Variants in RBFOX3 observed in about 807,000 individuals in gnomAD.
The protein encoded by RBFOX3 is RNA binding fox-1 homolog 3.
Under a neutral mutation model 48.7 loss-of-function variants are expected in RBFOX3, and 17 were observed. The observed-to-expected ratio is 0.35, with a 90% CI of 0.24 to 0.52. The LOEUF (loss-of-function observed/expected upper bound fraction) is 0.52. Among genes scored for constraint, RBFOX3 ranks in the 20% least tolerant of loss-of-function variants. The probability of loss-of-function intolerance (pLI) is 0.94; values close to 1 mark genes in which losing one functional copy is unlikely to be tolerated. For missense variants in RBFOX3, 382 were observed against 497.5 expected (o/e 0.77, Z 2.21); for synonymous variants, 212 against 209.5 (o/e 1.01, Z -0.10).
rs191370349 is a variant in RBFOX3 at position 79,450,055 on chromosome 17, G to A, written c.-175+32399C>T. Among the ~76,000 whole-genome samples the A allele has an allele frequency of 1.2e-4, 18 of 152,150 alleles. No individual in the cohort carries two copies. The East Asian group carries it at 2.7e-3, about 23-fold the overall frequency. On this transcript the variant is annotated intron_variant, in intron 2 of 14. Transcript: ENST00000693108. ...GTGTGAAGAGGCAGAAAGAGAGACC[G>A]TGGAACGATGGGACGTTTCTAACAC...
chr17:79,429,025 G>C (rs1449287051), intron 2 of RBFOX3, among the ~76,000 whole-genome samples: 1 of 152,140 alleles, frequency 6.6e-6, no homozygotes, highest in Non-Finnish European at 1.5e-5. Context: ...CCCCCAGAGA[G>C]ACTCTTCCCC....
intron 4 of RBFOX3, among the ~76,000 whole-genome samples, chr17:79,168,861 G>C (rs75051220): frequency 0.017 from 2,594 of 150,812 alleles, 64 homozygotes; most frequent in African/African-American, 0.06. Flanking sequence ...CTGGCCCTGG[G>C]TCATGAAGGC....
rs1263416032 is a variant in RBFOX3, at chr17:79,482,695, G to C, written c.-319-97C>G. 1 of 152,094 alleles carries C rather than the reference G, an allele frequency of 6.6e-6. No homozygotes were observed. The highest frequency in any genetic ancestry group is 1.5e-5 in the Non-Finnish European group (1 of 68,022). The allele number at this position is 152,094 out of a possible 1,614,324, so 9.4% of individuals were successfully genotyped here. A position where few individuals can be genotyped will look rare whatever the true frequency, so the allele number is the denominator to read the frequency against. ...ATTTGGTATTAATAAACCAGGGAGGGGGCAGCTTCAAAGCCAACTGTTTGC... is the reference window on the plus strand; with the variant it reads ...ATTTGGTATTAATAAACCAGGGAGGCGGCAGCTTCAAAGCCAACTGTTTGC... On this transcript the variant is annotated intron_variant, in intron 1 of 14. Transcript: ENST00000693108. This position sits in a 1 kb window ranked among gnomAD's most constrained non-coding sequence, Gnocchi z 4.1.
At chr17:79,118,331 C>T (rs118003077) in intron 4 of RBFOX3, among the ~76,000 whole-genome samples, 265 of 152,244 alleles carry the variant, frequency 1.7e-3, no homozygotes, top group Middle Eastern at 3.4e-3. Flanking sequence ...CGTACACACT[C>T]GTGGGAGGTT....
chr17:79,327,708 T>C (rs2079548503), intron 2 of RBFOX3, among the ~76,000 whole-genome samples: 1 of 152,260 alleles, frequency 6.6e-6, no homozygotes, highest in African/African-American at 2.4e-5. Flanking sequence ...TCCTTCTCTT[T>C]TTTTTGAGAC....
chr17:79,347,555 GT>G (rs776964980), intron 2 of RBFOX3, among the ~76,000 whole-genome samples: 48 of 151,436 alleles, frequency 3.2e-4, no homozygotes, highest in Non-Finnish European at 5.2e-4. Context: ...CTTTTTCTTT[GT>G]GCTTTTCCTT....
chr17:79,170,151 A>AAGGGAGGAGGAAGGAGGGAAGGAAGGT (rs2048952284), intron 4 of RBFOX3, among the ~76,000 whole-genome samples: 1 of 146,438 alleles, frequency 6.8e-6, no homozygotes, highest in African/African-American at 2.5e-5. Flanking sequence ...GGAAGGAAGG[A>AAGGGAGGAGGAAGGAGGGAAGGAAGGT]AGGGAGGAGG....
intron 4 of RBFOX3, among the ~76,000 whole-genome samples, chr17:79,159,830 G>A (rs1265221172): frequency 6.6e-6 from 1 of 152,204 alleles, no homozygotes; most frequent in East Asian, 1.9e-4. Flanking sequence ...CTGCTGAGGA[G>A]GGTGAGGACA....
intron 2 of RBFOX3, among the ~76,000 whole-genome samples, chr17:79,356,252 C>T (rs561935206): frequency 1.6e-4 from 24 of 148,000 alleles, no homozygotes; most frequent in South Asian, 2.2e-4. Flanking sequence ...CTCCTGCAGA[C>T]GGGGTGGGGG....
chr17:79,154,474 G>A (rs2045317002), intron 4 of RBFOX3, among the ~76,000 whole-genome samples: 1 of 152,250 alleles, frequency 6.6e-6, no homozygotes, highest in Admixed American at 6.5e-5. Flanking sequence ...AAAGGAGTGA[G>A]TGCCTAAGTG....
rs114956539 is a variant in RBFOX3, at chr17:79,192,657, C to T, written c.-34+43109G>A. 8.2e-3 allele frequency among the ~76,000 whole-genome samples: 1,242 copies of T among 152,252 alleles called. 22 individuals are homozygous for T. Among genetic ancestry groups the T allele is most frequent in the African/African-American group, 0.029 (1,188 of 41,536 alleles). ...AGCACGGAACGAGAGCTGGAAGGAC[C>T]GGGCACGAGAGTGAGACCGTCAGCA... On this transcript the variant is annotated intron_variant, in intron 4 of 14. Transcript: ENST00000693108.
rs2148694795 is a variant in RBFOX3 at position 79,418,395 on chromosome 17, C to T, written c.-175+64059G>A. On this transcript the variant is annotated intron_variant, in intron 2 of 14. Coordinates refer to ENST00000693108, the MANE Select transcript of RBFOX3 (RefSeq NM_001350451.2). The surrounding 1 kb of genome is among the most constrained non-coding windows in gnomAD (Gnocchi z 5.0). ...ACAGCAAAAGAAAGGTACCTGCCCC[C>T]AATTTTCCCTCCACTAGATAATCTC... Among the ~76,000 whole-genome samples the T allele has an allele frequency of 6.6e-6, 1 of 152,292 alleles. No individual in the cohort carries two copies. Among genetic ancestry groups the T allele is most frequent in the East Asian group, 1.9e-4 (1 of 5,180 alleles).
At chr17:79,377,462 C>G (rs140873567) in intron 2 of RBFOX3, among the ~76,000 whole-genome samples, 1 of 152,170 alleles carries the variant, frequency 6.6e-6, no homozygotes, top group Non-Finnish European at 1.5e-5. Flanking sequence ...GGCATGCGCA[C>G]GCACACACAC....
At chr17:79,504,858 T>C (rs1295777735) in intron 1 of RBFOX3, among the ~76,000 whole-genome samples, 2 of 152,194 alleles carry the variant, frequency 1.3e-5, no homozygotes, top group Non-Finnish European at 2.9e-5. Context: ...ACCACAGATA[T>C]GCACTAAAAA....
chr17:79,369,072 C>A (rs59140382), intron 2 of RBFOX3, among the ~76,000 whole-genome samples: 1 of 152,160 alleles, frequency 6.6e-6, no homozygotes, highest in Non-Finnish European at 1.5e-5. Context: ...AGCTCTGCCA[C>A]CCCTGGACAG....
chr17:79,393,800 C>T (rs1183259149), intron 2 of RBFOX3, among the ~76,000 whole-genome samples: 1 of 151,682 alleles, frequency 6.6e-6, no homozygotes, highest in Non-Finnish European at 1.5e-5. Context: ...TCATCATGCA[C>T]ATCATCTGAG....
chr17:79,331,114 C>T (rs1344981404), intron 2 of RBFOX3, among the ~76,000 whole-genome samples: 2 of 152,174 alleles, frequency 1.3e-5, no homozygotes, highest in Non-Finnish European at 2.9e-5. Flanking sequence ...GACCGCCCAG[C>T]TCAACATGGG....
chr17:79,336,784 G>A (rs1274136206), intron 2 of RBFOX3, among the ~76,000 whole-genome samples: 4 of 152,194 alleles, frequency 2.6e-5, no homozygotes, highest in Admixed American at 2.6e-4. Flanking sequence ...GGCTTTTACT[G>A]GTGGCTGATG....
At chr17:79,232,810 G>C (rs2061192518) in intron 4 of RBFOX3, among the ~76,000 whole-genome samples, 1 of 152,194 alleles carries the variant, frequency 6.6e-6, no homozygotes, top group African/African-American at 2.4e-5. Context: ...TAAAACCCCA[G>C]TGAGCTACCG....
Sources: gnomAD v4.1 joint callset for allele counts (sites outside exome capture counted in the v4.1 genomes callset) on GRCh38, gnomAD v4.1.1 for gene constraint, Gnocchi (gnomAD v3.1) non-coding constraint, MANE v1.5 for transcripts, NCBI Gene and HGNC (gene_info 2026-07-23, HGNC 2026-07-21) for gene names.